The following DIAPH3 variants were observed in gnomAD, a reference collection of about 807,000 sequenced individuals.
The protein encoded by DIAPH3 is diaphanous related formin 3, also known as protein diaphanous homolog 3.
DIAPH3 carries 117 observed loss-of-function variants against 144.3 expected under a neutral mutation model. The observed-to-expected ratio is 0.81, with a 90% confidence interval of 0.70 to 0.95. The LOEUF (loss-of-function observed/expected upper bound fraction) is 0.95, where lower values mean the gene tolerates loss of function less well. Ranked by LOEUF, DIAPH3 falls within the 40% of genes least tolerant of loss-of-function variation. The pLI is 0.00. For synonymous variants in DIAPH3, 519 were observed against 488.9 expected, an observed-to-expected ratio of 1.06 and a Z score of -0.81; for missense variants, 1,421 against 1,412.7, an observed-to-expected ratio of 1.01 and a Z score of -0.09.
chr13:60,157,234 C>T (rs911947975), intron 1 of DIAPH3, among the ~76,000 whole-genome samples: 1 of 152,074 alleles, frequency 6.6e-6, no homozygotes. Flanking sequence ...CATGCACCAC[C>T]GTACCCAACC....
intron 1 of DIAPH3, among the ~76,000 whole-genome samples, chr13:60,149,752 CAA>C (rs35814915): frequency 1.2e-4 from 11 of 95,332 alleles, no homozygotes; most frequent in Admixed American, 8.6e-4. Context: ...GACACTGTCT[CAA>C]AAAAAAAAAA....
At chr13:59,944,802 G>A (rs374244416) in intron 17 of DIAPH3, among the ~76,000 whole-genome samples, 1 of 149,296 alleles carries the variant, frequency 6.7e-6, no homozygotes, top group African/African-American at 2.4e-5. Flanking sequence ...AAAGGGGGGG[G>A]GCTATTATCC....
chr13:60,010,915 G>A (rs961330818), intron 7 of DIAPH3, among the ~76,000 whole-genome samples: 1 of 151,960 alleles, frequency 6.6e-6, no homozygotes, highest in Non-Finnish European at 1.5e-5. Context: ...AGACCAGCCT[G>A]AGCAACATGG....
chr13:60,006,588 A>T (rs138270785), intron 9 of DIAPH3, among the ~76,000 whole-genome samples: 21 of 152,304 alleles, frequency 1.4e-4, no homozygotes, highest in African/African-American at 4.6e-4. Context: ...ATGACAGCAG[A>T]TCAACCTGAC....
chr13:60,113,053 G>A (rs2058611561), intron 2 of DIAPH3, among the ~76,000 whole-genome samples: 1 of 151,514 alleles, frequency 6.6e-6, no homozygotes, highest in African/African-American at 2.4e-5. Flanking sequence ...GATTCCATGA[G>A]TTTTTTTTTA....
chr13:59,887,465 C>T (rs1593839159), intron 20 of DIAPH3, among the ~76,000 whole-genome samples: 1 of 151,980 alleles, frequency 6.6e-6, no homozygotes, highest in South Asian at 2.1e-4. Context: ...ATAATTCCTT[C>T]TTTGGCCCAC....
intron 9 of DIAPH3, among the ~76,000 whole-genome samples, chr13:60,000,539 A>G (rs976113523): frequency 6.6e-6 from 1 of 152,192 alleles, no homozygotes; most frequent in Non-Finnish European, 1.5e-5. Flanking sequence ...CAGAAGGACA[A>G]CATAAACCCA....
chr13:60,037,881 T>C (rs2055343185), intron 5 of DIAPH3, among the ~76,000 whole-genome samples: 1 of 151,960 alleles, frequency 6.6e-6, no homozygotes, highest in Admixed American at 6.6e-5. Context: ...GGTATGAAAA[T>C]GATTAGTTGG....
intron 27 of DIAPH3, among the ~76,000 whole-genome samples, chr13:59,758,795 T>A (rs1191091440): frequency 6.6e-6 from 1 of 150,972 alleles, no homozygotes; most frequent in Non-Finnish European, 1.5e-5. Flanking sequence ...TTTTTTTTTT[T>A]AAGAGACAGG....
At chr13:59,705,342 C>T (rs566845007) in intron 27 of DIAPH3, among the ~76,000 whole-genome samples, 5 of 152,346 alleles carry the variant, frequency 3.3e-5, no homozygotes, top group East Asian at 3.9e-4. Context: ...ATTACTCCCA[C>T]GGTGCCACTC....
chr13:59,879,544 G>A, intron 20 of DIAPH3, 76 bp from the exon 21 acceptor site: 1 of 1,590,414 alleles, frequency 6.3e-7, no homozygotes, highest in Non-Finnish European at 8.6e-7. Flanking sequence ...CAAGTAATCT[G>A]GGATGATTTA....
chr13:59,933,637 G>A (rs1001850678), intron 17 of DIAPH3, among the ~76,000 whole-genome samples: 5 of 152,112 alleles, frequency 3.3e-5, no homozygotes, highest in African/African-American at 1.2e-4. Flanking sequence ...TTACTTCCTA[G>A]AGATGCTGTG....
At chr13:59,784,223 C>T (rs933281347) in intron 25 of DIAPH3, among the ~76,000 whole-genome samples, 2 of 148,790 alleles carry the variant, frequency 1.3e-5, no homozygotes, top group Non-Finnish European at 3.0e-5. Context: ...GCTGGGACTA[C>T]AGGTGCACGC....
intron 24 of DIAPH3, among the ~76,000 whole-genome samples, chr13:59,817,965 G>A (rs1272596370): frequency 6.6e-6 from 1 of 151,740 alleles, no homozygotes; most frequent in Non-Finnish European, 1.5e-5. Flanking sequence ...CTTTACATTT[G>A]TTTTCATAGT....
intron 24 of DIAPH3, among the ~76,000 whole-genome samples, chr13:59,823,200 A>T (rs1191491716): frequency 6.6e-6 from 1 of 152,192 alleles, no homozygotes; most frequent in Non-Finnish European, 1.5e-5. Context: ...AGTACGAATA[A>T]ATCTTACCAA....
At chr13:60,092,564 T>G (rs184443207) in intron 4 of DIAPH3, among the ~76,000 whole-genome samples, 1 of 151,658 alleles carries the variant, frequency 6.6e-6, no homozygotes, top group Non-Finnish European at 1.5e-5. Flanking sequence ...GACAGGAGAA[T>G]GGCGTGAACC....
intron 24 of DIAPH3, among the ~76,000 whole-genome samples, chr13:59,814,352 C>T (rs2040654355): frequency 6.6e-6 from 1 of 152,126 alleles, no homozygotes; most frequent in Non-Finnish European, 1.5e-5. Context: ...ATGAAAAATG[C>T]ACTATTGATT....
intron 21 of DIAPH3, among the ~76,000 whole-genome samples, chr13:59,861,831 T>C (rs936096811): frequency 6.6e-6 from 1 of 152,152 alleles, no homozygotes; most frequent in Non-Finnish European, 1.5e-5. Context: ...GTCTATTTAA[T>C]AGTAGTATTT....
chr13:59,974,963 T>C (rs1022021686), intron 14 of DIAPH3, among the ~76,000 whole-genome samples: 12 of 151,976 alleles, frequency 7.9e-5, no homozygotes, highest in Admixed American at 4.6e-4. Flanking sequence ...CAACATAATA[T>C]CTCCTGATAT....
Sources: allele counts gnomAD v4.1 joint callset (sites outside exome capture counted in the v4.1 genomes callset), GRCh38; gene constraint gnomAD v4.1.1; transcripts MANE v1.5; gene names NCBI Gene and HGNC (gene_info 2026-07-23, HGNC 2026-07-21).